TRAF3: variants seen among roughly 807,000 people sequenced by gnomAD.
The protein encoded by TRAF3 is TNF receptor associated factor 3, also known as TNF receptor-associated factor 3.
In TRAF3, 13 loss-of-function variants were observed where a neutral mutation model predicts 62.3. The observed-to-expected ratio is 0.21, with a 90% CI of 0.14 to 0.33. The LOEUF (loss-of-function observed/expected upper bound fraction) is 0.33, where lower values mean the gene tolerates loss of function less well. TRAF3 is among the 10% of genes least tolerant of loss of function. The pLI is 1.00. For missense variants in TRAF3, 440 were observed against 741.8 expected, an observed-to-expected ratio of 0.59 and a Z score of 4.73; for synonymous variants, 269 against 283.4, an observed-to-expected ratio of 0.95 and a Z score of 0.51.
intron 1 of TRAF3, among the ~76,000 whole-genome samples, chr14:102,789,684 C>T (rs957255490): frequency 2.0e-5 from 3 of 151,288 alleles, no homozygotes; most frequent in African/African-American, 4.9e-5. Flanking sequence ...AGTGGTATCT[C>T]GTGGTTTGGG....
chr14:102,882,950 G>C (rs984177444), intron 6 of TRAF3, among the ~76,000 whole-genome samples: 1 of 152,150 alleles, frequency 6.6e-6, no homozygotes, highest in Non-Finnish European at 1.5e-5. Flanking sequence ...AAACAGCTCT[G>C]TTAACTTGTG....
chr14:102,837,139 TG>T (rs761567408), intron 2 of TRAF3, among the ~76,000 whole-genome samples: 207 of 118,596 alleles, frequency 1.7e-3, no homozygotes, highest in African/African-American at 5.8e-3. Context: ...TGTGTGTGTG[TG>T]TGTTTTTTTT....
chr14:102,865,375 T>TA (rs1283334783), intron 2 of TRAF3, among the ~76,000 whole-genome samples: 1 of 152,258 alleles, frequency 6.6e-6, no homozygotes, highest in Admixed American at 6.5e-5. Flanking sequence ...GTGGCTCATT[T>TA]ACTAGTCTTA....
chr14:102,899,574 C>T (rs1213948028), intron 10 of TRAF3, among the ~76,000 whole-genome samples: 2 of 152,234 alleles, frequency 1.3e-5, no homozygotes, highest in African/African-American at 4.8e-5. Context: ...GCACAGATGT[C>T]TTTTTCTCCT....
rs963935479 is a variant in TRAF3 at position 102,883,367 on chromosome 14, C to G, written c.571-2822C>G. Among the ~76,000 whole-genome samples the G allele has an allele frequency of 2.6e-5, 4 of 152,152 alleles. No homozygotes were observed. In the South Asian group the frequency reaches 8.3e-4, roughly 32 times the overall value. ...TGTATTAACAAAATTCAAAAACAATCAGAATGAAACAGTGTTTCATTTGGC... is the reference window on the plus strand; with the variant it reads ...TGTATTAACAAAATTCAAAAACAATGAGAATGAAACAGTGTTTCATTTGGC... On this transcript the variant is annotated intron_variant, in intron 6 of 11. Transcript: ENST00000392745.
chr14:102,778,579 GGTGC>G (rs1443139479), intron 1 of TRAF3, among the ~76,000 whole-genome samples: 3 of 145,920 alleles, frequency 2.1e-5, no homozygotes, highest in Admixed American at 2.0e-4. Flanking sequence ...TGTGATGCGT[GGTGC>G]GTGGTGTGTG....
In TRAF3 at chr14:102,860,876, T is replaced by C. The variant is rs141574449; in HGVS notation, c.-17-9309T>C. Among the ~76,000 whole-genome samples the C allele has an allele frequency of 5.9e-4, 90 of 152,312 alleles. No homozygotes were observed. In the East Asian group the frequency reaches 0.017, roughly 28 times the overall value. On this transcript the variant is annotated intron_variant, in intron 2 of 11. Transcript: ENST00000392745. ...TGTAGAGCTAACTACTACCCCAAAA[T>C]CCCTGTTGCCTGGAAGGCAGAGACA...
At chr14:102,869,894 T>C (rs1888231894) in intron 2 of TRAF3, among the ~76,000 whole-genome samples, 1 of 152,020 alleles carries the variant, frequency 6.6e-6, no homozygotes, top group South Asian at 2.1e-4. Flanking sequence ...TGGTGCAACC[T>C]TCAACTCCTG....
At chr14:102,882,621 T>C (rs146213994) in intron 6 of TRAF3, among the ~76,000 whole-genome samples, 2 of 151,510 alleles carry the variant, frequency 1.3e-5, no homozygotes, top group East Asian at 1.9e-4. Context: ...GAGGCCTTCG[T>C]TGAGTTTATT....
rs554243579 is a variant in TRAF3, at chr14:102,862,472, G to A, written c.-17-7713G>A. On this transcript the variant is annotated intron_variant, in intron 2 of 11. Transcript: ENST00000392745. ...TCAGCCCTTTAATTTGTCACCTTTC[G>A]GCCTCCATGGCTTTAGATGAGAAAT... 4.6e-5 allele frequency among the ~76,000 whole-genome samples: 7 copies of A among 150,760 alleles called. No individual in the cohort carries two copies. In the East Asian group the frequency reaches 5.8e-4, roughly 13 times the overall value.
intron 2 of TRAF3, among the ~76,000 whole-genome samples, chr14:102,867,311 A>C (rs1300630431): frequency 3.3e-5 from 5 of 152,202 alleles, no homozygotes; most frequent in African/African-American, 1.2e-4. Context: ...ATAACACTTA[A>C]AAAATCTAAA....
intron 1 of TRAF3, among the ~76,000 whole-genome samples, chr14:102,794,941 A>C (rs1897990984): frequency 6.6e-6 from 1 of 152,142 alleles, no homozygotes; most frequent in Non-Finnish European, 1.5e-5. Flanking sequence ...TTACTAGTTC[A>C]TTTTAAAAAT....
chr14:102,785,115 T>G (rs12880641), intron 1 of TRAF3, among the ~76,000 whole-genome samples: 79,345 of 152,100 alleles, frequency 0.52, 23,342 homozygotes, highest in South Asian at 0.75. Context: ...CTTCAGATTC[T>G]AAACTTCTTA....
At chr14:102,820,145 C>T (rs750855087) in intron 1 of TRAF3, among the ~76,000 whole-genome samples, 16 of 152,294 alleles carry the variant, frequency 1.1e-4, no homozygotes, top group Admixed American at 2.6e-4. Context: ...GCGTCCTCTA[C>T]AGGTGCGGTT....
chr14:102,837,142 GT>G (rs1213983653), intron 2 of TRAF3, among the ~76,000 whole-genome samples: 37 of 130,926 alleles, frequency 2.8e-4, no homozygotes, highest in African/African-American at 7.6e-4. Context: ...GTGTGTGTGT[GT>G]TTTTTTTGGG....
chr14:102,833,994 G>GGA (rs1555369926), intron 2 of TRAF3, among the ~76,000 whole-genome samples: 9,067 of 150,056 alleles, frequency 0.06, 399 homozygotes, highest in African/African-American at 0.12. Flanking sequence ...GTCTCGGGGG[G>GGA]AAAAAAAAGA....
intron 2 of TRAF3, among the ~76,000 whole-genome samples, chr14:102,868,995 AAG>A (rs796783731): frequency 1.1e-4 from 17 of 152,264 alleles, no homozygotes; most frequent in African/African-American, 4.1e-4. Context: ...GCAAGTGTGG[AAG>A]AGAGTCCGCG....
In TRAF3 at chr14:102,855,615, G is replaced by A. The variant is rs146387490; in HGVS notation, c.-17-14570G>A. Among the ~76,000 whole-genome samples, 651 of 152,060 alleles carry A rather than the reference G, an allele frequency of 4.3e-3. 6 individuals carry two copies. The highest frequency in any genetic ancestry group is 0.015 in the African/African-American group (625 of 41,470). On this transcript the variant is annotated intron_variant, in intron 2 of 11. Transcript: ENST00000392745. Reference sequence around the variant, plus strand: ...GTTTGAGACCACCCTGGGCAACATGGTGAAACCCCATCTCTACTAAAATAC... The same window carrying A: ...GTTTGAGACCACCCTGGGCAACATGATGAAACCCCATCTCTACTAAAATAC...
intron 9 of TRAF3, chr14:102,895,158 T>C: frequency 2.2e-6 from 1 of 455,284 alleles, no homozygotes; most frequent in African/African-American, 2.0e-5. Context: ...GGGACACAAC[T>C]ACCACGCGAT....
Sources: allele counts gnomAD v4.1 joint callset (sites outside exome capture counted in the v4.1 genomes callset), GRCh38; gene constraint gnomAD v4.1.1; transcripts MANE v1.5; gene names NCBI Gene and HGNC (gene_info 2026-07-23, HGNC 2026-07-21).